The following CRB1 variants were observed in gnomAD, a reference collection of about 807,000 sequenced individuals.
CRB1 encodes the protein crumbs cell polarity complex component 1.
In CRB1, 83 loss-of-function variants were observed where a neutral mutation model predicts 120.0. The ratio of observed to expected loss-of-function variants is 0.69; its 90% confidence interval spans 0.58 to 0.83. The LOEUF is 0.83. CRB1 is among the 40% of genes least tolerant of loss of function. The pLI, the probability that CRB1 is intolerant of heterozygous loss-of-function variation, is 0.00. For missense variants in CRB1, 1,699 were observed against 1,687.6 expected (o/e 1.01, Z -0.12); for synonymous variants, 625 against 612.5 (o/e 1.02, Z -0.30).
chr1:197,440,226 C>T (rs1443276664), intron 10 of CRB1: 1 of 152,188 alleles, frequency 6.6e-6, no homozygotes, highest in Non-Finnish European at 1.5e-5. Flanking sequence ...ATGCATGGAA[C>T]TCATCCAAAA....
chr1:197,367,989 T>G (rs1661167892), intron 5 of CRB1, among the ~76,000 whole-genome samples: 1 of 152,184 alleles, frequency 6.6e-6, no homozygotes, highest in Non-Finnish European at 1.5e-5. Flanking sequence ...TTGCTAAAAA[T>G]GAAGCGTTCA....
the CRB1 span, among the ~76,000 whole-genome samples, chr1:197,255,906 C>G: frequency 6.9e-6 from 1 of 144,572 alleles, no homozygotes; most frequent in African/African-American, 2.5e-5. Context: ...CTTTTCCTAT[C>G]TACTGGGCCA....
chr1:197,213,932 ACT>A, the CRB1 span, among the ~76,000 whole-genome samples: 3 of 152,100 alleles, frequency 2.0e-5, no homozygotes, highest in East Asian at 3.9e-4. Flanking sequence ...AAAAAAGAAA[ACT>A]CTCAAATAAA....
the CRB1 span, chr1:197,222,824 G>C: frequency 6.0e-6 from 9 of 1,510,816 alleles, no homozygotes; most frequent in South Asian, 9.0e-5. Flanking sequence ...ATCTAGCCAA[G>C]GATCATTCTC....
chr1:197,293,415 A>G (rs1412402312), intron 1 of CRB1, among the ~76,000 whole-genome samples: 1 of 152,152 alleles, frequency 6.6e-6, no homozygotes, highest in Non-Finnish European at 1.5e-5. Context: ...ATAAAAGAGG[A>G]CAAAAACAAA....
intron 1 of CRB1, among the ~76,000 whole-genome samples, chr1:197,295,836 T>G (rs1235964347): frequency 6.6e-6 from 1 of 152,004 alleles, no homozygotes; most frequent in Non-Finnish European, 1.5e-5. Flanking sequence ...CCTAGGATGA[T>G]CCTAATAAAG....
the CRB1 span, among the ~76,000 whole-genome samples, chr1:197,224,985 A>C: frequency 2.6e-5 from 4 of 152,180 alleles, no homozygotes; most frequent in African/African-American, 4.8e-5. Context: ...AATTATAATA[A>C]AAGCTAGTAT....
chr1:197,473,751 CCTGG>C (rs1667082619), intron 11 of CRB1, among the ~76,000 whole-genome samples: 3 of 152,010 alleles, frequency 2.0e-5, no homozygotes, highest in Admixed American at 2.0e-4. Flanking sequence ...TCGTCCTGCA[CCTGG>C]AGGCCTCCAT....
chr1:197,381,710 GTAATAA>G (rs1661967270), intron 5 of CRB1, among the ~76,000 whole-genome samples: 1 of 152,162 alleles, frequency 6.6e-6, no homozygotes, highest in East Asian at 1.9e-4. Flanking sequence ...CATTGCAATA[GTAATAA>G]TGAGTATTGT....
chr1:197,251,286 A>G, the CRB1 span, among the ~76,000 whole-genome samples: 2 of 152,168 alleles, frequency 1.3e-5, no homozygotes, highest in African/African-American at 4.8e-5. Context: ...TGAGCACATA[A>G]TAAGCACAAT....
At position 197,295,982 on chromosome 1, in the gene CRB1, A is replaced by T. The variant is rs79136727; in HGVS notation, c.70+27500A>T. On this transcript the variant is annotated intron_variant, in intron 1 of 11. Transcript: ENST00000367400. The stretch of plus-strand genomic sequence containing the variant: ...TAACTCTTCTAAGATTTAAAAAAAA[A>T]TTTAAGACAAAGTAAGGCATAATCC... Among the ~76,000 whole-genome samples the T allele has an allele frequency of 1.1e-3, 75 of 69,532 alleles. 1 individual carries two copies. In the South Asian group the frequency reaches 0.03, roughly 28 times the overall value. The allele number at this position is 69,532 out of a possible 152,430, so 45.6% of individuals were successfully genotyped here.
rs373719645 is a variant in CRB1 at position 197,442,162 on chromosome 1, G to A, written c.3879-4G>A. 6.2e-7 allele frequency: 1 copy of A among 1,613,984 alleles called. No individual in the cohort carries two copies. The highest frequency in any genetic ancestry group is 1.7e-5 in the Admixed American group (1 of 59,994). On this transcript the variant is annotated splice_region_variant and splice_polypyrimidine_tract_variant and intron_variant, in intron 10 of 11. Coordinates refer to ENST00000367400, the MANE Select transcript of CRB1 (RefSeq NM_201253.3). ...GGGTTTCTGCTGTTCTGTTTATTTT[G>A]AAGGTGTGAAAAGGACATTGATGAG... is the stretch of plus-strand genomic sequence containing the variant.
chr1:197,307,507 T>C (rs1215326269), intron 1 of CRB1, among the ~76,000 whole-genome samples: 1 of 152,228 alleles, frequency 6.6e-6, no homozygotes, highest in East Asian at 1.9e-4. Flanking sequence ...GACTGAAATA[T>C]ACACTTTAAA....
At chr1:197,339,148 G>C (rs985359976) in intron 2 of CRB1, among the ~76,000 whole-genome samples, 5 of 152,196 alleles carry the variant, frequency 3.3e-5, no homozygotes, top group Non-Finnish European at 7.3e-5. Flanking sequence ...CGCCAAAGAT[G>C]TTCCCACTGA....
intron 5 of CRB1, among the ~76,000 whole-genome samples, chr1:197,384,095 T>C (rs997200624): frequency 1.3e-5 from 2 of 152,140 alleles, no homozygotes; most frequent in Non-Finnish European, 2.9e-5. Context: ...GTTAGAAAAT[T>C]TCCAATAAAA....
chr1:197,306,696 T>C (rs965022456), intron 1 of CRB1, among the ~76,000 whole-genome samples: 1 of 152,170 alleles, frequency 6.6e-6, no homozygotes, highest in Non-Finnish European at 1.5e-5. Flanking sequence ...GGTCCTTTGC[T>C]GAAAATTCAC....
intron 5 of CRB1, among the ~76,000 whole-genome samples, chr1:197,360,173 TC>T (rs1178510829): frequency 6.6e-6 from 1 of 152,212 alleles, no homozygotes; most frequent in Non-Finnish European, 1.5e-5. Context: ...CTAGAACACT[TC>T]CTTCCCAAGA....
At chr1:197,423,874 C>A (rs959492056) in intron 6 of CRB1, among the ~76,000 whole-genome samples, 1 of 152,120 alleles carries the variant, frequency 6.6e-6, no homozygotes, top group African/African-American at 2.4e-5. Context: ...AATTTCTCAA[C>A]AGAAAGAGTG....
At chr1:197,434,261 T>C (rs777791038) in intron 8 of CRB1, among the ~76,000 whole-genome samples, 1 of 152,292 alleles carries the variant, frequency 6.6e-6, no homozygotes, top group East Asian at 1.9e-4. Context: ...TGGGTCACCA[T>C]AGCTAGATTT....
Sources: allele counts gnomAD v4.1 joint callset (sites outside exome capture counted in the v4.1 genomes callset), GRCh38; gene constraint gnomAD v4.1.1; transcripts MANE v1.5; gene names NCBI Gene and HGNC (gene_info 2026-07-23, HGNC 2026-07-21).